The following LZTS1 variants were observed in gnomAD, a reference collection of about 807,000 sequenced individuals.
LZTS1 encodes leucine zipper tumor suppressor 1, also known as leucine zipper putative tumor suppressor 1.
LZTS1 carries 31 observed loss-of-function variants against 45.8 expected under a neutral mutation model. The ratio of observed to expected loss-of-function variants is 0.68; its 90% CI spans 0.51 to 0.91. The LOEUF is 0.91. Among genes scored for constraint, LZTS1 ranks in the 40% least tolerant of loss-of-function variants. The pLI is 0.00. For missense variants in LZTS1, 821 were observed against 788.9 expected, an observed-to-expected ratio of 1.04 and a Z score of -0.49; for synonymous variants, 359 against 357.3, an observed-to-expected ratio of 1.00 and a Z score of -0.05.
intron 1 of LZTS1, among the ~76,000 whole-genome samples, chr8:20,303,418 T>G (rs1197664916): frequency 3.9e-5 from 6 of 151,984 alleles, no homozygotes; most frequent in Non-Finnish European, 7.4e-5. Context: ...CACCTAACAC[T>G]GACGTCCCCG....
At chr8:20,265,459 A>G (rs1245265377) in intron 1 of LZTS1, among the ~76,000 whole-genome samples, 1 of 151,956 alleles carries the variant, frequency 6.6e-6, no homozygotes. Context: ...TGAGGTCAGG[A>G]GTTCGAGACC....
intron 2 of LZTS1, 148 bp downstream of exon 2, chr8:20,254,689 A>C: frequency 1.5e-6 from 1 of 646,434 alleles, no homozygotes; most frequent in South Asian, 2.0e-5. Context: ...GTGTGGCCAC[A>C]GGCTTCCGCC....
intron 1 of LZTS1, among the ~76,000 whole-genome samples, chr8:20,285,866 C>A (rs1800783852): frequency 6.6e-6 from 1 of 152,034 alleles, no homozygotes; most frequent in Non-Finnish European, 1.5e-5. Context: ...AGAAACAAAC[C>A]CAAATATATA....
chr8:20,299,538 C>T (rs532326988), intron 1 of LZTS1, among the ~76,000 whole-genome samples: 1 of 152,232 alleles, frequency 6.6e-6, no homozygotes, highest in South Asian at 2.1e-4. Context: ...CTGTTATTCC[C>T]CACTCCCTGG....
intron 1 of LZTS1, among the ~76,000 whole-genome samples, chr8:20,288,036 C>A (rs2128898372): frequency 6.6e-6 from 1 of 152,096 alleles, no homozygotes; most frequent in South Asian, 2.1e-4. Flanking sequence ...GACTGTGGGT[C>A]TGCCCAGCCC....
intron 2 of LZTS1, among the ~76,000 whole-genome samples, chr8:20,254,591 GCT>G (rs1236520426): frequency 6.6e-6 from 1 of 152,208 alleles, no homozygotes; most frequent in African/African-American, 2.4e-5. Context: ...TATCCCCTGT[GCT>G]CTTTGCTTAT....
In LZTS1 at chr8:20,265,521, T is replaced by A. The variant is rs190171523; in HGVS notation, c.-134-10206A>T. 9.7e-3 allele frequency among the ~76,000 whole-genome samples: 1,463 copies of A among 151,244 alleles called. 18 individuals are homozygous for A. The highest frequency in any genetic ancestry group is 0.031 in the African/African-American group (1,289 of 41,248). The stretch of plus-strand genomic sequence containing the variant: ...CCTGCCATGTCTACAAAAGATTTTT[T>A]AAAAAAATGAGCCAGGCACAGTGCC... On this transcript the variant is annotated intron_variant, in intron 1 of 3. Coordinates refer to ENST00000381569, the MANE Select transcript of LZTS1 (RefSeq NM_021020.5).
intron 1 of LZTS1, among the ~76,000 whole-genome samples, chr8:20,256,583 A>C (rs1800108397): frequency 6.6e-6 from 1 of 151,906 alleles, no homozygotes; most frequent in Admixed American, 6.6e-5. Flanking sequence ...CCAGGAGTTC[A>C]AGACCAGCCT....
At chr8:20,279,781 G>A (rs987187758) in intron 1 of LZTS1, among the ~76,000 whole-genome samples, 3 of 151,488 alleles carry the variant, frequency 2.0e-5, no homozygotes, top group South Asian at 4.2e-4. Flanking sequence ...GAGTTCAGGA[G>A]TTTGAGACCA....
chr8:20,252,104 A>G (rs1799936966), intron 3 of LZTS1, among the ~76,000 whole-genome samples: 1 of 152,138 alleles, frequency 6.6e-6, no homozygotes, highest in African/African-American at 2.4e-5. Flanking sequence ...CTGGTGAGAA[A>G]AGCTGCTTTC....
rs1283867486 is a variant in LZTS1, at chr8:20,249,940, A to G, written c.1573T>C (p.Phe525Leu). Residue 525 changes from phenylalanine to leucine, a missense_variant, in exon 4 of 4, where the codon TTC becomes CTC. By Grantham distance (22) the Phe-to-Leu change is conservative. Transcript: ENST00000381569. ...TTCCACACGAGCCGCTCATGCTGGA[A>G]GCCCGAGGACATCTGGTCATGGCCT... ...RQGHDQMSSG[F>L]QHERLVWKEE... 6.2e-7 allele frequency: 1 copy of G among 1,614,136 alleles called. No individual in the cohort carries two copies. The highest frequency in any genetic ancestry group is 8.5e-7 in the Non-Finnish European group (1 of 1,180,000).
chr8:20,253,682 G>T, intron 2 of LZTS1, 97 bp from the exon 3 acceptor site: 1 of 957,418 alleles, frequency 1.0e-6, no homozygotes, highest in Non-Finnish European at 1.5e-6. Flanking sequence ...GCCAGTCTGG[G>T]CTCTCTGAGC....
At chr8:20,273,522 G>A (rs1800516813) in intron 1 of LZTS1, among the ~76,000 whole-genome samples, 1 of 152,008 alleles carries the variant, frequency 6.6e-6, no homozygotes, top group Non-Finnish European at 1.5e-5. Context: ...TGCCTTCAGC[G>A]TGCCCCTCCT....
chr8:20,283,934 G>T (rs1336794336), intron 1 of LZTS1, among the ~76,000 whole-genome samples: 2 of 152,156 alleles, frequency 1.3e-5, no homozygotes, highest in South Asian at 2.1e-4. Flanking sequence ...AGCAAATCAG[G>T]CTTCCACCAG....
chr8:20,262,092 A>G (rs1585284652), intron 1 of LZTS1, among the ~76,000 whole-genome samples: 2 of 151,086 alleles, frequency 1.3e-5, no homozygotes. Flanking sequence ...GCCCCTCTTT[A>G]CCCCATCCAT....
chr8:20,259,042 G>T (rs972511511), intron 1 of LZTS1, among the ~76,000 whole-genome samples: 2 of 152,070 alleles, frequency 1.3e-5, no homozygotes, highest in Admixed American at 1.3e-4. Flanking sequence ...CCACATGCAG[G>T]GGTGTCATTT....
chr8:20,302,316 T>C (rs1801094299), intron 1 of LZTS1, among the ~76,000 whole-genome samples: 1 of 152,210 alleles, frequency 6.6e-6, no homozygotes, highest in East Asian at 1.9e-4. Context: ...CACAGACTTC[T>C]ACCCACAGAC....
intron 1 of LZTS1, among the ~76,000 whole-genome samples, chr8:20,271,446 C>A (rs1800473532): frequency 6.6e-6 from 1 of 152,208 alleles, no homozygotes; most frequent in Admixed American, 6.5e-5. Context: ...AGCTGTGCCC[C>A]CTCTGTCTCC....
intron 3 of LZTS1, among the ~76,000 whole-genome samples, chr8:20,252,041 G>A (rs1449120313): frequency 1.3e-5 from 2 of 152,166 alleles, no homozygotes; most frequent in Admixed American, 6.5e-5. Context: ...GTGCGAGCAT[G>A]TAAAGAGCCT....
Sources: gnomAD v4.1 joint callset for allele counts (sites outside exome capture counted in the v4.1 genomes callset) on GRCh38, gnomAD v4.1.1 for gene constraint, MANE v1.5 for transcripts, NCBI Gene and HGNC (gene_info 2026-07-23, HGNC 2026-07-21) for gene names.